The following SYTL2 variants were observed in gnomAD, a reference collection of about 807,000 sequenced individuals.
SYTL2 encodes synaptotagmin-like protein 2.
Under a neutral mutation model 198.7 loss-of-function variants are expected in SYTL2, and 165 were observed. The observed-to-expected ratio is 0.83, with a 90% CI of 0.73 to 0.94. The LOEUF (loss-of-function observed/expected upper bound fraction) is 0.94, where lower values mean the gene tolerates loss of function less well. SYTL2 is among the 40% of genes least tolerant of loss of function. The pLI, the probability that SYTL2 is intolerant of heterozygous loss-of-function variation, is 0.00. For missense variants in SYTL2, 2,835 were observed against 2,582.8 expected (o/e 1.10, Z -2.12); for synonymous variants, 966 against 917.7 (o/e 1.05, Z -0.95).
At chr11:85,755,906 C>T (rs983033535) in intron 2 of SYTL2, among the ~76,000 whole-genome samples, 3 of 152,124 alleles carry the variant, frequency 2.0e-5, no homozygotes, top group African/African-American at 7.2e-5. Context: ...ATGCAGGGGC[C>T]CACATCCTGA....
At chr11:85,717,584 G>A in intron 10 of SYTL2, 54 bp from the exon 11 acceptor site, 9 of 1,448,620 alleles carry the variant, frequency 6.2e-6, no homozygotes, top group Non-Finnish European at 8.7e-6. Flanking sequence ...AAGGATTAAA[G>A]AGACATGAAA....
At position 85,745,637 on chromosome 11, in the gene SYTL2, C is replaced by A. The variant is rs774941415; in HGVS notation, c.389G>T (p.Ser130Ile). 1.2e-6 allele frequency: 2 copies of A among 1,612,026 alleles called. No homozygotes were observed. Among genetic ancestry groups the A allele is most frequent in the South Asian group, 2.2e-5 (2 of 90,950 alleles). ...PEEDAAPASPSSSVVNPASSV... is the reference protein window; with the variant it reads ...PEEDAAPASPISSVVNPASSV... ...GCTCTCCCCAGAAGCTTTGCCTTAC[C>A]TCGGGCTTGCTGGTGCTGCATCTTC... is the stretch of plus-strand genomic sequence containing the variant. Residue 130 changes from serine (S) to isoleucine (I), a missense_variant and splice_region_variant, in exon 4 of 20, where the codon AGT becomes ATT. Physicochemically the swap from Ser to Ile is moderately radical, Grantham distance 142. Around this residue, in one of 3 missense-constraint regions of SYTL2, gnomAD observed 2,645 missense variants for 2,381.7 expected, o/e 1.11. Transcript: ENST00000359152.
chr11:85,727,988 T>C (rs780573841), intron 7 of SYTL2, 21 bp from the exon 8 acceptor site: 7 of 1,546,090 alleles, frequency 4.5e-6, no homozygotes, highest in Non-Finnish European at 6.1e-6. Flanking sequence ...GAAATACTTT[T>C]CTAAATAAGA....
intron 8 of SYTL2, among the ~76,000 whole-genome samples, chr11:85,721,188 A>C (rs1236951694): frequency 1.3e-5 from 2 of 152,186 alleles, no homozygotes; most frequent in Non-Finnish European, 2.9e-5. Flanking sequence ...TACAAAAACA[A>C]GATTACCACA....
chr11:85,705,423 T>C (rs2084976097), intron 15 of SYTL2, among the ~76,000 whole-genome samples: 1 of 152,134 alleles, frequency 6.6e-6, no homozygotes, highest in Admixed American at 6.5e-5. Context: ...TTTTTTAAAA[T>C]AGTCTTTTTA....
intron 1 of SYTL2, among the ~76,000 whole-genome samples, chr11:85,769,548 A>G (rs555262239): frequency 1.1e-4 from 17 of 152,336 alleles, no homozygotes; most frequent in South Asian, 8.3e-4. Context: ...CTAGAATTAT[A>G]TAAGTTTGTG....
At chr11:85,833,249 A>G in the SYTL2 span, among the ~76,000 whole-genome samples, 1,293 of 149,480 alleles carry the variant, frequency 8.6e-3, 22 homozygotes, top group African/African-American at 0.031. Context: ...CATATTGGGC[A>G]TCTATCATTG....
intron 9 of SYTL2, 52 bp downstream of exon 9, chr11:85,720,806 G>A (rs1484799110): frequency 4.8e-6 from 6 of 1,259,804 alleles, no homozygotes; most frequent in Non-Finnish European, 7.0e-6. Flanking sequence ...GAGCACATAG[G>A]CATTTTTAAG....
the SYTL2 span, among the ~76,000 whole-genome samples, chr11:85,820,379 T>G: frequency 6.6e-6 from 1 of 152,242 alleles, no homozygotes; most frequent in Non-Finnish European, 1.5e-5. Context: ...CTTCCCAGAC[T>G]GCCCATGGCA....
chr11:85,704,984 C>T lies in SYTL2; in HGVS notation c.6063G>A (p.Leu2021=). The T allele has an allele frequency of 6.2e-7, 1 of 1,613,394 alleles. No homozygotes were observed. Among genetic ancestry groups the T allele is most frequent in the South Asian group, 1.1e-5 (1 of 90,980 alleles). ...TAAATGTATCCCGATGCCAAATGGA[C>T]AGGTTCAATTTCTGTGTCTTTAAGA... is the stretch of plus-strand genomic sequence containing the variant. ...KQILKTQKLN[L]SIWHRDTFKR... is the part of the protein sequence containing the mutation. The change falls in exon 16 of 20, where the codon CTG becomes CTA. Residue 2021 remains leucine (L), a synonymous_variant. Coordinates refer to ENST00000359152, the MANE Select transcript of SYTL2 (RefSeq NM_206927.4).
chr11:85,728,043 T>C, intron 7 of SYTL2, 76 bp from the exon 8 acceptor site: 1 of 1,313,040 alleles, frequency 7.6e-7, no homozygotes, highest in African/African-American at 1.5e-5. Flanking sequence ...ATCATCATCT[T>C]TATAAAAGCA....
chr11:85,823,449 T>G, the SYTL2 span, among the ~76,000 whole-genome samples: 1 of 152,226 alleles, frequency 6.6e-6, no homozygotes, highest in Admixed American at 6.5e-5. Flanking sequence ...ATTTACAAAT[T>G]TCTAAGGCAA....
intron 8 of SYTL2, among the ~76,000 whole-genome samples, chr11:85,722,814 T>C (rs1357518023): frequency 6.6e-6 from 1 of 152,118 alleles, no homozygotes; most frequent in East Asian, 1.9e-4. Context: ...CTTTTTTTTA[T>C]TAACAACAAA....
At chr11:85,777,031 G>A (rs1389560986) in intron 1 of SYTL2, among the ~76,000 whole-genome samples, 2 of 152,220 alleles carry the variant, frequency 1.3e-5, no homozygotes, top group Non-Finnish European at 2.9e-5. Flanking sequence ...CCAACTCACT[G>A]AATTCAATGC....
Position 85,707,496 on chromosome 11 carries a change from T to G in SYTL2, c.5951A>C (p.Lys1984Thr). The G allele has an allele frequency of 6.2e-7, 1 of 1,614,088 alleles. No individual in the cohort carries two copies. The highest frequency in any genetic ancestry group is 8.5e-7 in the Non-Finnish European group (1 of 1,179,970). ...VKAYLLPDKG[K>T]MGKKKTLVVK... Reference sequence around the variant, plus strand: ...TACGAGTGTTTTCTTCTTGCCCATTTTGCCTTTGTCTGGTAGCAAATAGGC... The same window carrying G: ...TACGAGTGTTTTCTTCTTGCCCATTGTGCCTTTGTCTGGTAGCAAATAGGC... Residue 1984 changes from lysine to threonine, a missense_variant, in exon 15 of 20, where the codon AAA becomes ACA. Lys to Thr is a moderately conservative substitution (Grantham distance 78). Transcript: ENST00000359152.
At chr11:85,790,055 C>G (rs765423065) in intron 1 of SYTL2, among the ~76,000 whole-genome samples, 2 of 151,966 alleles carry the variant, frequency 1.3e-5, no homozygotes, top group African/African-American at 4.8e-5. Context: ...CAAGACTAAA[C>G]CCAGATTCGT....
the SYTL2 span, among the ~76,000 whole-genome samples, chr11:85,823,356 C>A: frequency 1.3e-5 from 2 of 152,154 alleles, no homozygotes; most frequent in Non-Finnish European, 2.9e-5. Flanking sequence ...CTGACATTCA[C>A]CAACAGTAAA....
chr11:85,703,843 T>C (rs903875240), intron 16 of SYTL2, among the ~76,000 whole-genome samples: 1 of 152,152 alleles, frequency 6.6e-6, no homozygotes, highest in African/African-American at 2.4e-5. Context: ...TTCCTTCCAC[T>C]GTTCTGAAAG....
the SYTL2 span, among the ~76,000 whole-genome samples, chr11:85,835,774 G>C: frequency 6.6e-6 from 1 of 152,176 alleles, no homozygotes; most frequent in Non-Finnish European, 1.5e-5. Context: ...TCAGTATGTA[G>C]ACGTGTTTTC....
Sources: gnomAD v4.1 joint callset for allele counts (sites outside exome capture counted in the v4.1 genomes callset) on GRCh38, gnomAD v4.1.1 for gene constraint, gnomAD v4.1.1 regional missense constraint, MANE v1.5 for transcripts, NCBI Gene and HGNC (gene_info 2026-07-23, HGNC 2026-07-21) for gene names.